FAM3D: variants seen among roughly 807,000 people sequenced by gnomAD.
FAM3D encodes FAM3 metabolism regulating signaling molecule D, also known as protein FAM3D.
A neutral mutation model predicts 29.8 loss-of-function variants in FAM3D; 26 were observed. The ratio of observed to expected loss-of-function variants is 0.87; its 90% CI spans 0.64 to 1.21. FAM3D has a LOEUF of 1.21. Among genes scored for constraint, FAM3D ranks in the 50% most tolerant of loss-of-function variants. FAM3D has a pLI of 0.00. For missense variants in FAM3D, 253 were observed against 290.9 expected (o/e 0.87, Z 0.95); for synonymous variants, 115 against 102.3 (o/e 1.12, Z -0.75).
At chr3:58,637,255 T>G (rs779061105) in intron 7 of FAM3D, 30 bp from the exon 8 acceptor site, 2 of 1,579,940 alleles carry the variant, frequency 1.3e-6, no homozygotes, top group East Asian at 4.5e-5. Flanking sequence ...GTGCTGGTGA[T>G]TTAGGGGAAA....
chr3:58,643,344 C>G (rs1559498582), intron 6 of FAM3D, among the ~76,000 whole-genome samples: 1 of 152,212 alleles, frequency 6.6e-6, no homozygotes, highest in Non-Finnish European at 1.5e-5. Flanking sequence ...TTGGTTGTCC[C>G]CACATCCTCA....
Position 58,635,909 on chromosome 3 carries a change from G to A in FAM3D, c.585+385C>T, listed in dbSNP as rs1289654347. Among the ~76,000 whole-genome samples, 2 of 152,108 alleles carry A rather than the reference G, an allele frequency of 1.3e-5. No homozygotes were observed. The highest frequency in any genetic ancestry group is 3.9e-4 in the East Asian group (2 of 5,174). On this transcript the variant is annotated intron_variant, in intron 9 of 9. Coordinates refer to ENST00000358781, the MANE Select transcript of FAM3D (RefSeq NM_138805.3). This position sits in a 1 kb window ranked among gnomAD's most constrained non-coding sequence, Gnocchi z 5.2. ...CCTCGTTTTCTCCATGCCTCGCCAG[G>A]GAGGCTGAAGGGATGGGGACAGGCA...
chr3:58,661,236 C>T (rs375907637), intron 1 of FAM3D, among the ~76,000 whole-genome samples: 24 of 152,152 alleles, frequency 1.6e-4, no homozygotes, highest in African/African-American at 1.2e-4. Context: ...ACCCGAGCCT[C>T]GGGTGTTCCT....
At chr3:58,661,737 T>G (rs2066934834) in intron 1 of FAM3D, among the ~76,000 whole-genome samples, 3 of 152,172 alleles carry the variant, frequency 2.0e-5, no homozygotes, top group Non-Finnish European at 4.4e-5. Context: ...TTAGTGAAGA[T>G]TAAAGGCAAG....
At chr3:58,663,390 G>T (rs2099960) in intron 1 of FAM3D, among the ~76,000 whole-genome samples, 121,583 of 152,130 alleles carry the variant, frequency 0.8, 49,943 homozygotes, top group Non-Finnish European at 0.9. Flanking sequence ...GGGGTGTCAT[G>T]TGAGCCCCCA....
chr3:58,636,144 TG>T, intron 9 of FAM3D, 149 bp downstream of exon 9: 1 of 1,285,678 alleles, frequency 7.8e-7, no homozygotes, highest in Non-Finnish European at 1.1e-6. Flanking sequence ...CAGACCACCC[TG>T]GCCTTTGGAG....
intron 4 of FAM3D, among the ~76,000 whole-genome samples, chr3:58,646,924 C>T (rs62250343): frequency 0.15 from 22,695 of 152,206 alleles, 1,825 homozygotes; most frequent in Non-Finnish European, 0.18. Context: ...ATGAGGTTTC[C>T]AGGGCCCTCC....
Position 58,652,862 on chromosome 3 carries a change from G to A in FAM3D, c.121+812C>T, listed in dbSNP as rs747507635. Among the ~76,000 whole-genome samples, 113 of 145,922 alleles carry A rather than the reference G, an allele frequency of 7.7e-4. 2 individuals are homozygous for A. In the South Asian group the frequency reaches 0.024, roughly 31 times the overall value. Reference sequence around the variant, plus strand: ...CATCCATCCATCTGTCCATCCATCTGTCCATCCATCCATCCATCCATCCAT... The same window carrying A: ...CATCCATCCATCTGTCCATCCATCTATCCATCCATCCATCCATCCATCCAT... On this transcript the variant is annotated intron_variant, in intron 3 of 9. Coordinates refer to ENST00000358781, the MANE Select transcript of FAM3D (RefSeq NM_138805.3).
chr3:58,664,838 C>T lies in FAM3D; in HGVS notation c.-39+1738G>A, dbSNP rs552346727. 2.0e-5 allele frequency among the ~76,000 whole-genome samples: 3 copies of T among 152,336 alleles called. No individual in the cohort carries two copies. The South Asian group carries it at 6.2e-4, about 32-fold the overall frequency. ...TCTGCTCCGCTCCAGGGCACCTGCC[C>T]TCTGGGACTGCAGGCTGGGTGGGGG... is the stretch of plus-strand genomic sequence containing the variant. On this transcript the variant is annotated intron_variant, in intron 1 of 9. Transcript: ENST00000358781.
At chr3:58,644,873 C>T (rs1414548459) in intron 5 of FAM3D, among the ~76,000 whole-genome samples, 1 of 152,228 alleles carries the variant, frequency 6.6e-6, no homozygotes, top group Non-Finnish European at 1.5e-5. Flanking sequence ...CCAGGTGGTC[C>T]TGAAGCCTGC....
chr3:58,648,745 G>A (rs191223270), intron 4 of FAM3D, among the ~76,000 whole-genome samples: 152 of 152,310 alleles, frequency 1.0e-3, no homozygotes, highest in African/African-American at 3.4e-3. Context: ...CCTTTGCAGA[G>A]GGGATACCTC....
chr3:58,648,884 T>G lies in FAM3D; in HGVS notation c.145+431A>C, dbSNP rs1194965928. Reference sequence around the variant, plus strand: ...CACTTCTGTTTGTCTCTGGGGCCCCTGTAGTGCCTGATGTGGTCTCTGGCA... The same window carrying G: ...CACTTCTGTTTGTCTCTGGGGCCCCGGTAGTGCCTGATGTGGTCTCTGGCA... On this transcript the variant is annotated intron_variant, in intron 4 of 9. Transcript: ENST00000358781. Among the ~76,000 whole-genome samples, 4 of 152,324 alleles carry G rather than the reference T, an allele frequency of 2.6e-5. No individual in the cohort carries two copies. In the East Asian group the frequency reaches 5.8e-4, roughly 22 times the overall value.
chr3:58,648,981 G>A lies in FAM3D; in HGVS notation c.145+334C>T, dbSNP rs1038721649. On this transcript the variant is annotated intron_variant, in intron 4 of 9. Transcript: ENST00000358781. ...GTTAAGGAGCACAGCCCTGGTCCTC[G>A]GGCTCCCAGCTGTGTGGGGTTGTCA... Among the ~76,000 whole-genome samples the A allele has an allele frequency of 4.6e-5, 7 of 152,190 alleles. No homozygotes were observed. In the East Asian group the frequency reaches 5.8e-4, roughly 13 times the overall value.
intron 6 of FAM3D, among the ~76,000 whole-genome samples, chr3:58,641,690 G>A (rs1219272086): frequency 1.3e-5 from 2 of 152,152 alleles, no homozygotes; most frequent in Admixed American, 6.5e-5. Flanking sequence ...TTGAGCCTTA[G>A]TTTCTTACCT....
chr3:58,653,291 A>C (rs1378455536), intron 3 of FAM3D, among the ~76,000 whole-genome samples: 3 of 152,178 alleles, frequency 2.0e-5, no homozygotes, highest in Non-Finnish European at 2.9e-5. Flanking sequence ...GCATGAAGAG[A>C]TACAGGAAGA....
chr3:58,636,496 G>T (rs1349445436), intron 8 of FAM3D, 76 bp from the exon 9 acceptor site: 2 of 1,574,166 alleles, frequency 1.3e-6, no homozygotes. Context: ...TTCCCATGGG[G>T]CAAGGTTCCC....
chr3:58,640,165 G>A lies in FAM3D; in HGVS notation c.335C>T (p.Ala112Val). ...GTCAAATGCCTTCTGTCCCAGCACA[G>A]CTCCCGTGGTTCCTAGGGGTTAAGA... ...NIALVNGTTG[A>V]VLGQKAFDMY... The change falls in exon 7 of 10, where the codon GCT becomes GTT. Residue 112 changes from alanine (A) to valine (V), a missense_variant. Physicochemically the swap from Ala to Val is moderately conservative, Grantham distance 64 (BLOSUM62 0). Coordinates refer to ENST00000358781, the MANE Select transcript of FAM3D (RefSeq NM_138805.3). 1 of 1,614,180 alleles carries A rather than the reference G, an allele frequency of 6.2e-7. No homozygotes were observed. Among genetic ancestry groups the A allele is most frequent in the South Asian group, 1.1e-5 (1 of 91,082 alleles).
intron 4 of FAM3D, 113 bp from the exon 5 acceptor site, chr3:58,645,739 C>A (rs994146687): frequency 1.4e-5 from 13 of 904,010 alleles, no homozygotes; most frequent in Middle Eastern, 2.8e-4. Context: ...AAGCTCAGAG[C>A]CTCTTTCTGG....
intron 5 of FAM3D, among the ~76,000 whole-genome samples, chr3:58,645,129 A>G (rs1193067373): frequency 6.6e-6 from 1 of 151,956 alleles, no homozygotes; most frequent in African/African-American, 2.4e-5. Context: ...GGATCTTGAA[A>G]CTTCTCTGCA....
Sources: allele counts gnomAD v4.1 joint callset (sites outside exome capture counted in the v4.1 genomes callset), GRCh38; gene constraint gnomAD v4.1.1; non-coding constraint Gnocchi (gnomAD v3.1); transcripts MANE v1.5; gene names NCBI Gene and HGNC (gene_info 2026-07-23, HGNC 2026-07-21).